The following TENM3 variants were observed in gnomAD, a reference collection of about 807,000 sequenced individuals.
TENM3 encodes teneurin transmembrane protein 3.
A neutral mutation model predicts 255.1 loss-of-function variants in TENM3; 63 were observed. That is an observed-to-expected ratio of 0.25 (90% CI 0.20 to 0.30). The LOEUF (loss-of-function observed/expected upper bound fraction) is 0.30. Ranked by LOEUF, TENM3 falls within the 10% of genes least tolerant of loss-of-function variation. The pLI, the probability that TENM3 is intolerant of heterozygous loss-of-function variation, is 1.00. For synonymous variants in TENM3, 1,306 were observed against 1,322.3 expected (o/e 0.99, Z 0.27); for missense variants, 2,929 against 3,461.1 (o/e 0.85, Z 3.86).
At chr4:181,656,933 G>A in the TENM3 span, among the ~76,000 whole-genome samples, 1 of 152,178 alleles carries the variant, frequency 6.6e-6, no homozygotes, top group Non-Finnish European at 1.5e-5. Context: ...ACACAATGAC[G>A]TAATGTTTCA....
chr4:182,534,920 CT>C (rs1345595874), intron 3 of TENM3, among the ~76,000 whole-genome samples: 1 of 152,188 alleles, frequency 6.6e-6, no homozygotes, highest in Non-Finnish European at 1.5e-5. Context: ...CAAAATGGAT[CT>C]TTTTTCCTCT....
At chr4:182,164,073 CAGTG>C (rs1286284530) in intron 1 of TENM3, among the ~76,000 whole-genome samples, 8 of 152,170 alleles carry the variant, frequency 5.3e-5, no homozygotes, top group South Asian at 2.1e-4. Flanking sequence ...GTGAGAGTGA[CAGTG>C]AGCACCAAAT....
chr4:182,747,209 C>CT (rs564549590), intron 19 of TENM3, among the ~76,000 whole-genome samples: 21 of 152,128 alleles, frequency 1.4e-4, no homozygotes, highest in Non-Finnish European at 2.9e-4. Context: ...AAAATGCAAA[C>CT]TTTTTATCCT....
At chr4:181,921,413 G>A in the TENM3 span, among the ~76,000 whole-genome samples, 1 of 152,118 alleles carries the variant, frequency 6.6e-6, no homozygotes, top group Non-Finnish European at 1.5e-5. Context: ...ATTTCATTGA[G>A]CAGTGGTTTG....
chr4:182,476,547 T>C (rs534110479), intron 3 of TENM3, among the ~76,000 whole-genome samples: 8 of 152,352 alleles, frequency 5.3e-5, no homozygotes, highest in Non-Finnish European at 1.0e-4. Flanking sequence ...TTATGTATAT[T>C]ATATATAGAA....
the TENM3 span, among the ~76,000 whole-genome samples, chr4:181,912,733 C>G: frequency 6.7e-6 from 1 of 148,472 alleles, no homozygotes; most frequent in South Asian, 2.1e-4. Flanking sequence ...GATCATGCCA[C>G]TGCACTCCAG....
chr4:182,643,556 G>A (rs1258708424), intron 5 of TENM3, among the ~76,000 whole-genome samples: 2 of 152,138 alleles, frequency 1.3e-5, no homozygotes, highest in African/African-American at 4.8e-5. Flanking sequence ...AAATGAGAGA[G>A]CCAAGCCTCA....
At chr4:182,529,233 C>T (rs1351458030) in intron 3 of TENM3, among the ~76,000 whole-genome samples, 1 of 152,162 alleles carries the variant, frequency 6.6e-6, no homozygotes, top group Admixed American at 6.5e-5. Context: ...GGGCGGAGAA[C>T]ATTAGGAACG....
the TENM3 span, among the ~76,000 whole-genome samples, chr4:181,756,269 G>A: frequency 6.9e-3 from 1,045 of 152,146 alleles, 16 homozygotes; most frequent in Middle Eastern, 0.034. Flanking sequence ...CTTCTTGCCC[G>A]GTAGCATAAA....
chr4:181,888,495 T>TAC, the TENM3 span, among the ~76,000 whole-genome samples: 1 of 44,148 alleles, frequency 2.3e-5, no homozygotes, highest in Non-Finnish European at 3.9e-5. Flanking sequence ...TAGAAATGTG[T>TAC]ATATATATAT....
At chr4:182,439,799 T>C (rs929106854) in intron 3 of TENM3, among the ~76,000 whole-genome samples, 2 of 152,214 alleles carry the variant, frequency 1.3e-5, no homozygotes, top group African/African-American at 2.4e-5. Context: ...GTATCTTTGT[T>C]AACCATCACC....
chr4:182,707,239 A>C (rs1249389935), intron 12 of TENM3, among the ~76,000 whole-genome samples: 1 of 152,186 alleles, frequency 6.6e-6, no homozygotes, highest in Non-Finnish European at 1.5e-5. Context: ...AAGAAAAAGG[A>C]AGAATAAGAT....
intron 6 of TENM3, among the ~76,000 whole-genome samples, chr4:182,657,517 T>C (rs1322349643): frequency 6.6e-6 from 1 of 152,238 alleles, no homozygotes; most frequent in Non-Finnish European, 1.5e-5. Flanking sequence ...CAGAATGTCC[T>C]CATTCTACTG....
chr4:181,984,789 C>CGTGTGTGTGTGT, the TENM3 span, among the ~76,000 whole-genome samples: 12 of 138,496 alleles, frequency 8.7e-5, no homozygotes, highest in Non-Finnish European at 1.7e-4. Context: ...CTAAAAGAGT[C>CGTGTGTGTGTGT]GTGTGTGTGT....
the TENM3 span, among the ~76,000 whole-genome samples, chr4:181,561,110 C>T: frequency 2.6e-5 from 4 of 152,158 alleles, no homozygotes; most frequent in East Asian, 1.9e-4. Context: ...GTGCCACCAA[C>T]GTCCGGCTAA....
At chr4:181,766,631 G>A in the TENM3 span, among the ~76,000 whole-genome samples, 1 of 150,680 alleles carries the variant, frequency 6.6e-6, no homozygotes, top group East Asian at 2.0e-4. Flanking sequence ...AGAGTGAAGG[G>A]AAAGAAGTCA....
chr4:182,536,424 G>A (rs1325459992), intron 3 of TENM3, among the ~76,000 whole-genome samples: 1 of 152,190 alleles, frequency 6.6e-6, no homozygotes, highest in Admixed American at 6.5e-5. Flanking sequence ...GCTGCCAATA[G>A]GCATGCCATG....
the TENM3 span, among the ~76,000 whole-genome samples, chr4:181,571,818 T>C: frequency 6.6e-6 from 1 of 152,224 alleles, no homozygotes; most frequent in African/African-American, 2.4e-5. Flanking sequence ...TGTTCCATCC[T>C]TTATAGTGTA....
the TENM3 span, among the ~76,000 whole-genome samples, chr4:181,782,387 G>A: frequency 6.6e-6 from 1 of 152,140 alleles, no homozygotes; most frequent in Non-Finnish European, 1.5e-5. Context: ...ATTTCTTCTA[G>A]ATTTTCTAGT....
Sources: gnomAD v4.1 joint callset for allele counts (sites outside exome capture counted in the v4.1 genomes callset) on GRCh38, gnomAD v4.1.1 for gene constraint, MANE v1.5 for transcripts, NCBI Gene and HGNC (gene_info 2026-07-23, HGNC 2026-07-21) for gene names.